The following DSCAM variants were observed in gnomAD, a reference collection of about 807,000 sequenced individuals.
The protein encoded by DSCAM is DS cell adhesion molecule.
DSCAM carries 47 observed loss-of-function variants against 217.7 expected under a neutral mutation model. The ratio of observed to expected loss-of-function variants is 0.22; its 90% CI spans 0.17 to 0.28. The LOEUF (loss-of-function observed/expected upper bound fraction) is 0.28, where lower values mean the gene tolerates loss of function less well. Ranked by LOEUF, DSCAM falls within the 10% of genes least tolerant of loss-of-function variation. The probability of loss-of-function intolerance (pLI) is 1.00; values close to 1 mark genes in which losing one functional copy is unlikely to be tolerated. For synonymous variants in DSCAM, 1,056 were observed against 1,015.3 expected (o/e 1.04, Z -0.76); for missense variants, 2,080 against 2,618.3 (o/e 0.79, Z 4.49).
At chr21:40,197,640 C>T (rs750996263) in intron 11 of DSCAM, among the ~76,000 whole-genome samples, 1 of 152,192 alleles carries the variant, frequency 6.6e-6, no homozygotes, top group Non-Finnish European at 1.5e-5. Flanking sequence ...CCTTCTCTTT[C>T]CTCCTTCCTT....
At chr21:40,518,246 T>C (rs997222069) in intron 3 of DSCAM, among the ~76,000 whole-genome samples, 1 of 140,458 alleles carries the variant, frequency 7.1e-6, no homozygotes, top group African/African-American at 2.7e-5. Context: ...AGGCCTGAGA[T>C]GCGTCCTGTC....
At chr21:40,329,340 A>G (rs2074350595) in intron 8 of DSCAM, among the ~76,000 whole-genome samples, 1 of 152,120 alleles carries the variant, frequency 6.6e-6, no homozygotes, top group African/African-American at 2.4e-5. Flanking sequence ...AAAAGGGACA[A>G]GTTAAAATAA....
At chr21:40,042,171 C>T (rs1601260068) in intron 32 of DSCAM, among the ~76,000 whole-genome samples, 200 bp downstream of exon 32, 1 of 152,186 alleles carries the variant, frequency 6.6e-6, no homozygotes, top group Non-Finnish European at 1.5e-5. Flanking sequence ...AGGTCCCGCC[C>T]AAATTTCAGA....
intron 3 of DSCAM, among the ~76,000 whole-genome samples, chr21:40,462,915 T>C (rs1218328608): frequency 6.6e-6 from 1 of 152,188 alleles, no homozygotes; most frequent in Non-Finnish European, 1.5e-5. Flanking sequence ...TCAACTGATA[T>C]TCAACTTTGC....
intron 11 of DSCAM, among the ~76,000 whole-genome samples, chr21:40,216,882 T>C (rs1362245315): frequency 2.6e-5 from 4 of 152,232 alleles, no homozygotes; most frequent in African/African-American, 7.2e-5. Context: ...ACCAATGTCT[T>C]TTCTTGGCCG....
rs140087301 is a variant in DSCAM at position 40,464,211 on chromosome 21, C to T, written c.509-94966G>A. On this transcript the variant is annotated intron_variant, in intron 3 of 32. Transcript: ENST00000400454. ...GGTTCTCTGAATGCCTTGGAGGCTC[C>T]GGGACTGTTCTGGGAACATCAATAA... Among the ~76,000 whole-genome samples, 1,027 of 152,296 alleles carry T rather than the reference C, an allele frequency of 6.7e-3. 16 individuals carry two copies. Among genetic ancestry groups the T allele is most frequent in the African/African-American group, 0.023 (958 of 41,566 alleles).
intron 15 of DSCAM, among the ~76,000 whole-genome samples, chr21:40,167,632 T>C (rs756904978): frequency 1.3e-5 from 2 of 152,200 alleles, no homozygotes; most frequent in Non-Finnish European, 2.9e-5. Context: ...ATGGTGTGTA[T>C]TGAAGGTCCT....
At chr21:40,281,463 G>C (rs2073758632) in intron 10 of DSCAM, among the ~76,000 whole-genome samples, 1 of 152,168 alleles carries the variant, frequency 6.6e-6, no homozygotes, top group Non-Finnish European at 1.5e-5. Flanking sequence ...TCAGTGGAGA[G>C]AAATATATAT....
chr21:40,599,629 T>C (rs965765921), intron 3 of DSCAM, among the ~76,000 whole-genome samples: 4 of 151,568 alleles, frequency 2.6e-5, no homozygotes, highest in African/African-American at 9.7e-5. Context: ...CTGAAGGAGA[T>C]AGAGACACAA....
At chr21:40,031,128 T>C (rs1398885793) in intron 32 of DSCAM, among the ~76,000 whole-genome samples, 2 of 152,200 alleles carry the variant, frequency 1.3e-5, no homozygotes, top group African/African-American at 2.4e-5. Flanking sequence ...TCACTGTTTT[T>C]CTTGGGTAGC....
chr21:40,697,045 A>G (rs184559569), intron 2 of DSCAM, among the ~76,000 whole-genome samples: 1 of 151,858 alleles, frequency 6.6e-6, no homozygotes, highest in African/African-American at 2.4e-5. Context: ...TCAGCCAACT[A>G]CTCTTTAACC....
At chr21:40,642,255 G>A (rs1423564949) in intron 3 of DSCAM, among the ~76,000 whole-genome samples, 2 of 152,116 alleles carry the variant, frequency 1.3e-5, no homozygotes, top group Admixed American at 6.6e-5. Context: ...CTTCCCTGGT[G>A]AAGAGGGGCA....
intron 1 of DSCAM, among the ~76,000 whole-genome samples, chr21:40,801,669 A>G (rs145869680): frequency 2.0e-5 from 3 of 152,322 alleles, no homozygotes; most frequent in Admixed American, 6.5e-5. Context: ...TGCCCTAGTT[A>G]GGCTCAAGAG....
In DSCAM at chr21:40,453,089, TGTGA is replaced by T. The variant is rs548159686; in HGVS notation, c.509-83848_509-83845del. On this transcript the variant is annotated intron_variant, in intron 3 of 32. Coordinates refer to ENST00000400454, the MANE Select transcript of DSCAM (RefSeq NM_001389.5). ...GTGTGTGTGTGTGTGTGTGTGTGTG[TGTGA>T]GATATATGTGTATATCTACACATAC... is the stretch of plus-strand genomic sequence containing the variant. Among the ~76,000 whole-genome samples the T allele has an allele frequency of 4.3e-3, 537 of 125,382 alleles. 9 individuals are homozygous for T. The highest frequency in any genetic ancestry group is 0.012 in the Middle Eastern group (3 of 248). The allele number at this position is 125,382 out of a possible 152,430, so 82.3% of individuals were successfully genotyped here. A position where few individuals can be genotyped will look rare whatever the true frequency, so the allele number is the denominator to read the frequency against.
intron 1 of DSCAM, among the ~76,000 whole-genome samples, chr21:40,826,799 G>A (rs1241894017): frequency 6.6e-6 from 1 of 152,192 alleles, no homozygotes; most frequent in Non-Finnish European, 1.5e-5. Context: ...CCTTCAGAGA[G>A]TTTAAATGTT....
intron 1 of DSCAM, among the ~76,000 whole-genome samples, chr21:40,811,388 G>C (rs2091837280): frequency 6.6e-6 from 1 of 152,218 alleles, no homozygotes; most frequent in African/African-American, 2.4e-5. Context: ...AATTGACTCA[G>C]TCAAGTACCT....
At chr21:40,090,159 G>A (rs1168095167) in intron 21 of DSCAM, among the ~76,000 whole-genome samples, 1 of 152,148 alleles carries the variant, frequency 6.6e-6, no homozygotes, top group Non-Finnish European at 1.5e-5. Context: ...AAACCTCAGT[G>A]CTGTGGTCGT....
At chr21:40,036,859 A>C (rs1248561423) in intron 32 of DSCAM, among the ~76,000 whole-genome samples, 1 of 150,042 alleles carries the variant, frequency 6.7e-6, no homozygotes. Context: ...AGGCTGGTTC[A>C]ATATACACAT....
chr21:40,616,982 A>ACTC (rs1391135269), intron 3 of DSCAM, among the ~76,000 whole-genome samples: 43 of 129,324 alleles, frequency 3.3e-4, no homozygotes, highest in African/African-American at 1.3e-3. Context: ...CCGCCACTGC[A>ACTC]CTCCAGCCTG....
Sources: gnomAD v4.1 joint callset for allele counts (sites outside exome capture counted in the v4.1 genomes callset) on GRCh38, gnomAD v4.1.1 for gene constraint, MANE v1.5 for transcripts, NCBI Gene and HGNC (gene_info 2026-07-23, HGNC 2026-07-21) for gene names.